Variants in STAG2 observed in about 807,000 individuals in gnomAD.
STAG2 encodes the protein cohesin subunit SA-2.
In STAG2, 14 loss-of-function variants were observed where a neutral mutation model predicts 108.1. The ratio of observed to expected loss-of-function variants is 0.13; its 90% CI spans 0.09 to 0.20. The LOEUF (loss-of-function observed/expected upper bound fraction) is 0.20, where lower values mean the gene tolerates loss of function less well. Among genes scored for constraint, STAG2 ranks in the 10% least tolerant of loss-of-function variants. The pLI is 1.00. For missense variants in STAG2, 440 were observed against 940.9 expected, an observed-to-expected ratio of 0.47 and a Z score of 6.96; for synonymous variants, 307 against 302.7, an observed-to-expected ratio of 1.01 and a Z score of -0.15.
At chrX:124,020,605 G>C (rs2056895839) in intron 1 of STAG2, among the ~76,000 whole-genome samples, 1 of 112,042 alleles carries the variant, frequency 8.9e-6, no homozygotes, top group African/African-American at 3.2e-5. Flanking sequence ...AGGATCTCTT[G>C]AGCCCTGAAG....
chrX:124,039,137 T>TTTATTATTATTATTATTATTATTA (rs4028223), intron 6 of STAG2, among the ~76,000 whole-genome samples: 25 of 94,082 alleles, frequency 2.7e-4, no homozygotes, highest in African/African-American at 9.5e-4. Context: ...TCCCCTTTTA[T>TTTATTATTATTATTATTATTATTA]TTATTATTAT....
chrX:123,973,090 A>T (rs1321651935), intron 1 of STAG2, among the ~76,000 whole-genome samples: 1 of 109,383 alleles, frequency 9.1e-6, no homozygotes, highest in African/African-American at 3.3e-5. Context: ...TAAAAAAAAA[A>T]TGCAGTTGGA....
At position 124,086,584 on chromosome X, in the gene STAG2, T is replaced by A. The variant is rs370347095; in HGVS notation, c.3091T>A (p.Ser1031Thr). 9 of 1,209,940 alleles carry A rather than the reference T, an allele frequency of 7.4e-6. No individual in the cohort carries two copies. In the African/African-American group the frequency reaches 1.6e-4, roughly 21 times the overall value. The change falls in exon 30 of 35, where the codon TCA becomes ACA. Residue 1031 changes from serine (S) to threonine (T), a missense_variant. By Grantham distance (58) the Ser-to-Thr change is moderately conservative. Coordinates refer to ENST00000371145, the MANE Select transcript of STAG2 (RefSeq NM_001042750.2). ...YLEKFMTFQM[S>T]LRREDVWLPL... ...GGAAAAGTTCATGACCTTTCAGATGTCACTCCGAAGAGAGGATGTGTGGCT... is the reference window on the plus strand; with the variant it reads ...GGAAAAGTTCATGACCTTTCAGATGACACTCCGAAGAGAGGATGTGTGGCT...
chrX:124,084,175 A>G (rs756603862), intron 29 of STAG2, among the ~76,000 whole-genome samples: 1 of 111,679 alleles, frequency 9.0e-6, no homozygotes, highest in East Asian at 2.8e-4. Context: ...ATTGTAAATA[A>G]TCTTGTCTGA....
At chrX:124,036,365 A>C (rs2148110745) in intron 5 of STAG2, among the ~76,000 whole-genome samples, 1 of 111,591 alleles carries the variant, frequency 9.0e-6, no homozygotes, top group East Asian at 2.8e-4. Context: ...CTATTTAAAA[A>C]GTTTTGTTGT....
chrX:124,005,633 A>T (rs1343755024), intron 1 of STAG2, among the ~76,000 whole-genome samples: 1 of 111,807 alleles, frequency 8.9e-6, no homozygotes, highest in Non-Finnish European at 1.9e-5. Context: ...GGATCCATCC[A>T]TGTTGTTATA....
chrX:124,033,858 A>G (rs887337970), intron 5 of STAG2, among the ~76,000 whole-genome samples: 1 of 112,361 alleles, frequency 8.9e-6, no homozygotes, highest in African/African-American at 3.2e-5. Flanking sequence ...GAAGTTCAAT[A>G]TTAGGTGCCT....
intron 33 of STAG2, 127 bp downstream of exon 33, chrX:124,094,271 C>T: frequency 1.5e-6 from 1 of 646,632 alleles, no homozygotes; most frequent in Admixed American, 3.5e-5. Context: ...AAAATAGTTG[C>T]CAGGGGTTTA....
chrX:124,039,199 AG>A (rs1169896421), intron 6 of STAG2, among the ~76,000 whole-genome samples: 1 of 106,950 alleles, frequency 9.4e-6, no homozygotes, highest in Non-Finnish European at 1.9e-5. Flanking sequence ...TCTTTCATCC[AG>A]GCTGGAGTGT....
At chrX:123,971,264 A>G (rs758743373) in intron 1 of STAG2, among the ~76,000 whole-genome samples, 33 of 111,587 alleles carry the variant, frequency 3.0e-4, no homozygotes, top group African/African-American at 1.1e-3. Context: ...CCCCGTCTCT[A>G]CTAAAAATAT....
chrX:124,000,147 T>C (rs2055959689), intron 1 of STAG2, among the ~76,000 whole-genome samples: 1 of 110,705 alleles, frequency 9.0e-6, no homozygotes, highest in Admixed American at 9.7e-5. Context: ...TATAATATTG[T>C]AATGGAGCTA....
At position 124,050,166 on chromosome X, in the gene STAG2, T is replaced by C. The variant is rs764129335; in HGVS notation, c.894-20T>C. On this transcript the variant is annotated intron_variant, in intron 10 of 34. Coordinates refer to ENST00000371145, the MANE Select transcript of STAG2 (RefSeq NM_001042750.2). The stretch of plus-strand genomic sequence containing the variant: ...GTATATTGGCACTAATTATGCATCG[T>C]TTTTCCTTCCCCCATTCAGTGATGC... The C allele has an allele frequency of 8.3e-7, 1 of 1,203,848 alleles. No individual in the cohort carries two copies. Among genetic ancestry groups the C allele is most frequent in the Non-Finnish European group, 1.1e-6 (1 of 891,743 alleles).
chrX:124,083,617 G>A, intron 29 of STAG2, 68 bp downstream of exon 29: 1 of 920,235 alleles, frequency 1.1e-6, no homozygotes, highest in East Asian at 3.6e-5. Context: ...TTTTATACTT[G>A]GTTTCTCTCC....
chrX:123,999,340 A>G (rs2055912869), intron 1 of STAG2, among the ~76,000 whole-genome samples: 1 of 110,313 alleles, frequency 9.1e-6, no homozygotes, highest in Non-Finnish European at 1.9e-5. Flanking sequence ...CCACATTCAC[A>G]TTTCTCCAAG....
chrX:124,018,369 C>T lies in STAG2; in HGVS notation c.-162-2998C>T, dbSNP rs2056801859. Among the ~76,000 whole-genome samples, 3 of 111,535 alleles carry T rather than the reference C, an allele frequency of 2.7e-5. No individual in the cohort carries two copies. In the South Asian group the frequency reaches 1.1e-3, roughly 42 times the overall value. On this transcript the variant is annotated intron_variant, in intron 1 of 34. Transcript: ENST00000371145. The stretch of plus-strand genomic sequence containing the variant: ...ACATGTTTTTATAGTTTTGGGTTAC[C>T]CAGCTGAAGTCAAATGGTATTAAGC...
At chrX:124,057,160 A>G (rs896752608) in intron 14 of STAG2, among the ~76,000 whole-genome samples, 3 of 112,244 alleles carry the variant, frequency 2.7e-5, no homozygotes, top group African/African-American at 9.7e-5. Context: ...TACTTTTGTG[A>G]TCCTATTTAA....
Position 124,026,239 on chromosome X carries a change from T to G in STAG2, c.123+321T>G, listed in dbSNP as rs181704919. ...GAATGCAATGTTCTGTTGGCTTTATTTTTGTTTTCCCACAAGTAATAAAAT... is the reference window on the plus strand; with the variant it reads ...GAATGCAATGTTCTGTTGGCTTTATGTTTGTTTTCCCACAAGTAATAAAAT... On this transcript the variant is annotated intron_variant, in intron 4 of 34. Transcript: ENST00000371145. Among the ~76,000 whole-genome samples the G allele has an allele frequency of 4.5e-5, 5 of 110,124 alleles. No individual in the cohort carries two copies. In the Admixed American group the frequency reaches 4.9e-4, roughly 11 times the overall value.
chrX:124,028,985 TTA>T lies in STAG2; in HGVS notation c.124-1948_124-1947del, dbSNP rs376061447. Among the ~76,000 whole-genome samples, 148 of 63,904 alleles carry T rather than the reference TTA, an allele frequency of 2.3e-3. 2 individuals are homozygous for T. Among genetic ancestry groups the T allele is most frequent in the African/African-American group, 9.4e-3 (137 of 14,558 alleles). 55.5% of individuals were successfully genotyped at this position (63,904 alleles called of 115,157 possible). The stretch of plus-strand genomic sequence containing the variant: ...TATTTATTTATTTATTTATTTTTAT[TTA>T]TATATATATATATATATATATATAT... On this transcript the variant is annotated intron_variant, in intron 4 of 34. Transcript: ENST00000371145.
chrX:124,009,452 TAGA>T (rs2056446316), intron 1 of STAG2, among the ~76,000 whole-genome samples: 1 of 108,969 alleles, frequency 9.2e-6, no homozygotes, highest in African/African-American at 3.3e-5. Flanking sequence ...GGTAGATAGA[TAGA>T]TAGATAGATA....
Sources: gnomAD v4.1 joint callset for allele counts (sites outside exome capture counted in the v4.1 genomes callset) on GRCh38, gnomAD v4.1.1 for gene constraint, MANE v1.5 for transcripts, NCBI Gene and HGNC (gene_info 2026-07-23, HGNC 2026-07-21) for gene names.